Variants in SPSB4 observed in about 807,000 individuals in gnomAD.
The protein encoded by SPSB4 is splA/ryanodine receptor domain and SOCS box containing 4, also known as SPRY domain-containing SOCS box protein 4.
SPSB4 carries 21 observed loss-of-function variants against 20.9 expected under a neutral mutation model. The observed-to-expected ratio is 1.01, with a 90% confidence interval of 0.71 to 1.45. The LOEUF is 1.45. Ranked by LOEUF, SPSB4 falls within the 40% of genes most tolerant of loss-of-function variation. The pLI, the probability that SPSB4 is intolerant of heterozygous loss-of-function variation, is 0.00. For synonymous variants in SPSB4, 207 were observed against 183.8 expected (o/e 1.13, Z -1.02); for missense variants, 399 against 399.2 (o/e 1.00, Z 0.00).
chr3:141,131,014 G>A (rs1445927580), intron 2 of SPSB4, among the ~76,000 whole-genome samples: 1 of 152,174 alleles, frequency 6.6e-6, no homozygotes, highest in African/African-American at 2.4e-5. Flanking sequence ...GGCATTTGTA[G>A]AACCACAATA....
At chr3:141,105,313 C>T (rs1165936766) in intron 2 of SPSB4, among the ~76,000 whole-genome samples, 1 of 152,174 alleles carries the variant, frequency 6.6e-6, no homozygotes, top group Non-Finnish European at 1.5e-5. Flanking sequence ...GTCACCATTG[C>T]GCTGATTCCT....
chr3:141,079,748 T>G (rs1458320887), intron 2 of SPSB4, among the ~76,000 whole-genome samples: 2 of 152,028 alleles, frequency 1.3e-5, no homozygotes, highest in African/African-American at 4.8e-5. Context: ...TAGAACAAAG[T>G]TGGAGAATAT....
At chr3:141,102,144 A>G (rs1938620923) in intron 2 of SPSB4, among the ~76,000 whole-genome samples, 1 of 152,230 alleles carries the variant, frequency 6.6e-6, no homozygotes, top group Non-Finnish European at 1.5e-5. Context: ...AAGAGCAAGA[A>G]ATCGGAGTTA....
At chr3:141,143,897 G>A (rs1010119498) in intron 2 of SPSB4, among the ~76,000 whole-genome samples, 58 of 152,204 alleles carry the variant, frequency 3.8e-4, no homozygotes, top group African/African-American at 1.2e-3. Context: ...ACAAACATAT[G>A]AGTCCTCATT....
chr3:141,081,675 A>G (rs1938233653), intron 2 of SPSB4, among the ~76,000 whole-genome samples: 2 of 152,186 alleles, frequency 1.3e-5, no homozygotes, highest in South Asian at 2.1e-4. Flanking sequence ...TGCAGAACAC[A>G]GTGGCAGTTC....
At chr3:141,122,816 A>C (rs998389085) in intron 2 of SPSB4, among the ~76,000 whole-genome samples, 8 of 152,236 alleles carry the variant, frequency 5.3e-5, no homozygotes, top group African/African-American at 1.9e-4. Context: ...GTATTTGGGC[A>C]GGAGTGTACC....
chr3:141,078,355 A>G (rs980440774), intron 2 of SPSB4, among the ~76,000 whole-genome samples: 2 of 152,154 alleles, frequency 1.3e-5, no homozygotes, highest in African/African-American at 2.4e-5. Flanking sequence ...CAGTCCCTGC[A>G]CTGGCCAGAA....
intron 2 of SPSB4, among the ~76,000 whole-genome samples, chr3:141,135,744 G>A (rs1007010079): frequency 6.6e-6 from 1 of 151,996 alleles, no homozygotes; most frequent in African/African-American, 2.4e-5. Flanking sequence ...GTCTATCATT[G>A]TTGGACATTT....
At chr3:141,064,515 A>C (rs185991627) in intron 1 of SPSB4, among the ~76,000 whole-genome samples, 2 of 152,164 alleles carry the variant, frequency 1.3e-5, no homozygotes, top group African/African-American at 4.8e-5. Context: ...AGAGTATGAG[A>C]GTTAAGAATA....
chr3:141,094,802 A>G (rs6762085), intron 2 of SPSB4, among the ~76,000 whole-genome samples: 33,889 of 123,972 alleles, frequency 0.27, 6,111 homozygotes, highest in African/African-American at 0.54. Flanking sequence ...CCCTGGGAGC[A>G]GCCCTCAATC....
chr3:141,140,732 T>C (rs548571282), intron 2 of SPSB4, among the ~76,000 whole-genome samples: 181 of 152,316 alleles, frequency 1.2e-3, no homozygotes, highest in Non-Finnish European at 2.0e-3. Flanking sequence ...GAGGTGTCAG[T>C]CTGCCCCTAT....
chr3:141,098,060 T>C (rs1938570894), intron 2 of SPSB4, among the ~76,000 whole-genome samples: 1 of 152,222 alleles, frequency 6.6e-6, no homozygotes, highest in South Asian at 2.1e-4. Context: ...ATGCCCTTTC[T>C]TCTTCACCAA....
Position 141,147,583 on chromosome 3 carries a change from C to T in SPSB4, c.*314C>T, listed in dbSNP as rs1184115604. 2 of 288,994 alleles carry T rather than the reference C, an allele frequency of 6.9e-6. No homozygotes were observed. 17.9% of individuals were successfully genotyped at this position (288,994 alleles called of 1,614,324 possible). A position where few individuals can be genotyped will look rare whatever the true frequency, so the allele number is the denominator to read the frequency against. On this transcript the variant is annotated 3_prime_UTR_variant, in exon 3 of 3. Coordinates refer to ENST00000310546, the MANE Select transcript of SPSB4 (RefSeq NM_080862.3). ...AGCAGCCACCGTATTGATCAGAGAG[C>T]CTGTTTCCTTATTCAAGAGAATGAA...
chr3:141,133,924 T>G (rs1360270205), intron 2 of SPSB4, among the ~76,000 whole-genome samples: 1 of 152,006 alleles, frequency 6.6e-6, no homozygotes, highest in African/African-American at 2.4e-5. Flanking sequence ...TGAGCTTGTT[T>G]TGTGTCATCT....
At chr3:141,131,946 C>T (rs964680875) in intron 2 of SPSB4, among the ~76,000 whole-genome samples, 2 of 152,234 alleles carry the variant, frequency 1.3e-5, no homozygotes, top group African/African-American at 4.8e-5. Context: ...GGTTGCTCTA[C>T]ATCCTCATCA....
chr3:141,096,452 A>G (rs2107793938), intron 2 of SPSB4, among the ~76,000 whole-genome samples: 1 of 152,354 alleles, frequency 6.6e-6, no homozygotes, highest in African/African-American at 2.4e-5. Context: ...TTCATGGAAC[A>G]TATTGCCAGG....
chr3:141,147,048 A>C, intron 2 of SPSB4, 94 bp from the exon 3 acceptor site: 8 of 1,533,358 alleles, frequency 5.2e-6, no homozygotes, highest in Non-Finnish European at 7.1e-6. Context: ...GCCAGCTCAG[A>C]GGAGCAGGCA....
At chr3:141,145,360 T>G (rs1254405627) in intron 2 of SPSB4, among the ~76,000 whole-genome samples, 2 of 152,096 alleles carry the variant, frequency 1.3e-5, no homozygotes, top group Non-Finnish European at 2.9e-5. Flanking sequence ...TTCCAAAGCA[T>G]GCTCCCCAAG....
At chr3:141,077,471 G>GTCA (rs2107784911) in intron 2 of SPSB4, 1 of 152,358 alleles carries the variant, frequency 6.6e-6, no homozygotes, top group South Asian at 2.1e-4. Flanking sequence ...CAGCTTTGAA[G>GTCA]TCATTTAAGT....
Sources: allele counts gnomAD v4.1 joint callset (sites outside exome capture counted in the v4.1 genomes callset), GRCh38; gene constraint gnomAD v4.1.1; transcripts MANE v1.5; gene names NCBI Gene and HGNC (gene_info 2026-07-23, HGNC 2026-07-21).